Variants in AJAP1 observed in about 807,000 individuals in gnomAD.
AJAP1 encodes the protein adherens junctions associated protein 1, also known as adherens junction-associated protein 1.
A neutral mutation model predicts 35.0 loss-of-function variants in AJAP1; 5 were observed. The ratio of observed to expected loss-of-function variants is 0.14; its 90% CI spans 0.07 to 0.30. The LOEUF (loss-of-function observed/expected upper bound fraction) is 0.30, where lower values mean the gene tolerates loss of function less well. Ranked by LOEUF, AJAP1 falls within the 10% of genes least tolerant of loss-of-function variation. AJAP1 has a pLI of 1.00. For synonymous variants in AJAP1, 284 were observed against 249.3 expected, an observed-to-expected ratio of 1.14 and a Z score of -1.31; for missense variants, 586 against 571.0, an observed-to-expected ratio of 1.03 and a Z score of -0.27.
chr1:4,699,797 GTTT>G (rs1450307454), intron 1 of AJAP1, among the ~76,000 whole-genome samples: 3 of 152,138 alleles, frequency 2.0e-5, no homozygotes, highest in Admixed American at 1.3e-4. Flanking sequence ...CTATTTCTGT[GTTT>G]TTCCTTCTTC....
At chr1:4,694,139 C>T (rs985434822) in intron 1 of AJAP1, among the ~76,000 whole-genome samples, 4 of 152,028 alleles carry the variant, frequency 2.6e-5, no homozygotes, top group South Asian at 2.1e-4. Context: ...GTGAGCCTCC[C>T]GTAGTCCATT....
chr1:4,706,858 A>G (rs11581660), intron 1 of AJAP1, among the ~76,000 whole-genome samples: 30,822 of 152,178 alleles, frequency 0.2, 3,568 homozygotes, highest in East Asian at 0.35. Flanking sequence ...TAAAAATTTA[A>G]AAGGAAGAGA....
At position 4,703,644 on chromosome 1, in the gene AJAP1, G is replaced by A. The variant is rs191920192; in HGVS notation, c.30-8256G>A. 3.9e-3 allele frequency among the ~76,000 whole-genome samples: 587 copies of A among 152,234 alleles called. 11 individuals carry two copies. The highest frequency in any genetic ancestry group is 0.013 in the African/African-American group (553 of 41,532). ...TGGAACTCACATCTTATCAGCGAGC[G>A]GGAGGTTAGGATGCTGAGAAAGAGG... On this transcript the variant is annotated intron_variant, in intron 1 of 5. Coordinates refer to ENST00000378191, the MANE Select transcript of AJAP1 (RefSeq NM_018836.4).
rs939386619 is a variant in AJAP1, at chr1:4,670,910, G to A, written c.29+15456G>A. 5.3e-5 allele frequency among the ~76,000 whole-genome samples: 8 copies of A among 152,220 alleles called. 1 individual carries two copies. The highest frequency in any genetic ancestry group is 1.2e-4 in the African/African-American group (5 of 41,448). On this transcript the variant is annotated intron_variant, in intron 1 of 5. Coordinates refer to ENST00000378191, the MANE Select transcript of AJAP1 (RefSeq NM_018836.4). ...TGTAAAAACAAAGTCTTCCATCACT[G>A]TAACAGACCCAAGACTTCAGTACCT...
At chr1:4,701,050 C>T (rs778480498) in intron 1 of AJAP1, among the ~76,000 whole-genome samples, 5 of 152,258 alleles carry the variant, frequency 3.3e-5, no homozygotes, top group Admixed American at 6.5e-5. Flanking sequence ...AGAATGCTCG[C>T]GGGCACGTTG....
chr1:4,694,775 G>A (rs935584010), intron 1 of AJAP1, among the ~76,000 whole-genome samples: 33 of 152,324 alleles, frequency 2.2e-4, no homozygotes, highest in African/African-American at 5.3e-4. Context: ...GCAGGTACCC[G>A]GGGAGCCGAG....
chr1:4,713,290 G>A (rs1056283259), intron 2 of AJAP1, among the ~76,000 whole-genome samples: 3 of 152,162 alleles, frequency 2.0e-5, no homozygotes, highest in Non-Finnish European at 4.4e-5. Context: ...CAGAACCTTC[G>A]CAGACAGTGA....
chr1:4,767,518 C>T (rs1254145385), intron 2 of AJAP1, among the ~76,000 whole-genome samples: 1 of 151,282 alleles, frequency 6.6e-6, no homozygotes, highest in Non-Finnish European at 1.5e-5. Flanking sequence ...ATCACCATCA[C>T]CACCACCATC....
At chr1:4,716,632 G>T (rs1033629101) in intron 2 of AJAP1, among the ~76,000 whole-genome samples, 3 of 151,774 alleles carry the variant, frequency 2.0e-5, no homozygotes, top group Admixed American at 2.0e-4. Context: ...GGTGGAAATG[G>T]TGATGATGAT....
intron 2 of AJAP1, among the ~76,000 whole-genome samples, chr1:4,731,432 C>G (rs1173496689): frequency 6.6e-6 from 1 of 152,204 alleles, no homozygotes; most frequent in Non-Finnish European, 1.5e-5. Flanking sequence ...CAAACTCCTA[C>G]AAGATGTTGT....
At chr1:4,761,083 G>T (rs754958516) in intron 2 of AJAP1, among the ~76,000 whole-genome samples, 20 of 152,178 alleles carry the variant, frequency 1.3e-4, no homozygotes, top group Non-Finnish European at 2.1e-4. Context: ...AACCCCCAGG[G>T]TGCCCGAACC....
intron 1 of AJAP1, among the ~76,000 whole-genome samples, chr1:4,700,208 C>T (rs1181576771): frequency 1.3e-5 from 2 of 152,092 alleles, no homozygotes; most frequent in Admixed American, 1.3e-4. Context: ...CCTGTGGCAC[C>T]CTTCTTGCCC....
intron 2 of AJAP1, among the ~76,000 whole-genome samples, chr1:4,730,471 T>C (rs1452343618): frequency 6.6e-6 from 1 of 152,106 alleles, no homozygotes; most frequent in Non-Finnish European, 1.5e-5. Flanking sequence ...CTCTCATTTT[T>C]ACAAATTTTC....
chr1:4,718,318 T>G (rs1488634320), intron 2 of AJAP1, among the ~76,000 whole-genome samples: 1 of 152,194 alleles, frequency 6.6e-6, no homozygotes, highest in Non-Finnish European at 1.5e-5. Context: ...GTTGCAGGTC[T>G]TCTTGCATTT....
At chr1:4,715,753 A>C (rs747287875) in intron 2 of AJAP1, among the ~76,000 whole-genome samples, 7 of 152,250 alleles carry the variant, frequency 4.6e-5, no homozygotes, top group Non-Finnish European at 8.8e-5. Context: ...CTGAGCATAA[A>C]ATAAGGCACC....
rs553569940 is a variant in AJAP1, at chr1:4,723,475, A to G, written c.829+10776A>G. On this transcript the variant is annotated intron_variant, in intron 2 of 5. Coordinates refer to ENST00000378191, the MANE Select transcript of AJAP1 (RefSeq NM_018836.4). The surrounding 1 kb of genome is among the most constrained non-coding windows in gnomAD (Gnocchi z 4.3). ...AATGAAGGGGCAATTGGGGGTGATAAGGAAGAGCCCACCGGGAGGAGGTGG... is the reference window on the plus strand; with the variant it reads ...AATGAAGGGGCAATTGGGGGTGATAGGGAAGAGCCCACCGGGAGGAGGTGG... Among the ~76,000 whole-genome samples the G allele has an allele frequency of 4.9e-4, 74 of 152,222 alleles. No individual in the cohort carries two copies. The highest frequency in any genetic ancestry group is 1.7e-3 in the African/African-American group (72 of 41,540).
chr1:4,690,196 C>T (rs1557610356), intron 1 of AJAP1, among the ~76,000 whole-genome samples: 3 of 152,202 alleles, frequency 2.0e-5, no homozygotes, highest in East Asian at 1.9e-4. Context: ...AGGGGATGCG[C>T]CCATCCAGAC....
At chr1:4,691,687 G>A (rs1322046275) in intron 1 of AJAP1, among the ~76,000 whole-genome samples, 1 of 152,158 alleles carries the variant, frequency 6.6e-6, no homozygotes, top group Non-Finnish European at 1.5e-5. Context: ...GGAGTCAGGG[G>A]GGCTTAGGAA....
At chr1:4,665,350 A>AG (rs1193271545) in intron 1 of AJAP1, among the ~76,000 whole-genome samples, 4 of 152,166 alleles carry the variant, frequency 2.6e-5, no homozygotes, top group Non-Finnish European at 5.9e-5. Flanking sequence ...GCAGGCTTCC[A>AG]GGGGCATTTT....
Sources: allele counts gnomAD v4.1 joint callset (sites outside exome capture counted in the v4.1 genomes callset), GRCh38; gene constraint gnomAD v4.1.1; non-coding constraint Gnocchi (gnomAD v3.1); transcripts MANE v1.5; gene names NCBI Gene and HGNC (gene_info 2026-07-23, HGNC 2026-07-21).